The following PLAAT3 variants were observed in gnomAD, a reference collection of about 807,000 sequenced individuals.
PLAAT3 encodes Ca-independent phospholipase A1/2.
A neutral mutation model predicts 16.7 loss-of-function variants in PLAAT3; 21 were observed. That is an observed-to-expected ratio of 1.26 (90% CI 0.89 to 1.81). The LOEUF (loss-of-function observed/expected upper bound fraction) is 1.81, where lower values mean the gene tolerates loss of function less well. Ranked by LOEUF, PLAAT3 falls within the 40% of genes most tolerant of loss-of-function variation. PLAAT3 has a pLI of 0.00. For missense variants in PLAAT3, 219 were observed against 213.7 expected, an observed-to-expected ratio of 1.02 and a Z score of -0.16; for synonymous variants, 76 against 81.7, an observed-to-expected ratio of 0.93 and a Z score of 0.38.
At chr11:63,615,090 G>A (rs1294832612), upstream of PLAAT3, among the ~76,000 whole-genome samples, 2 of 84,052 alleles carry the variant, frequency 2.4e-5, no homozygotes, top group African/African-American at 3.5e-5. Flanking sequence ...GTATATATGT[G>A]TATATATGTG....
intron 3 of PLAAT3, among the ~76,000 whole-genome samples, chr11:63,597,578 A>G (rs951598058): frequency 9.2e-5 from 14 of 152,208 alleles, no homozygotes; most frequent in Admixed American, 5.2e-4. Flanking sequence ...AGTCTCGGGT[A>G]GTTCTTTATA....
intron 4 of PLAAT3, among the ~76,000 whole-genome samples, chr11:63,586,718 T>A (rs1462601944): frequency 1.3e-5 from 2 of 151,766 alleles, no homozygotes; most frequent in Non-Finnish European, 2.9e-5. Context: ...ATATTGTCAC[T>A]GCTAATTCAA....
intron 4 of PLAAT3, among the ~76,000 whole-genome samples, chr11:63,581,089 G>A (rs559920708): frequency 3.3e-5 from 5 of 152,106 alleles, no homozygotes; most frequent in South Asian, 2.1e-4. Flanking sequence ...CGTTATCTTC[G>A]TAAGCTGAGA....
chr11:63,580,443 C>T (rs2134393491), intron 4 of PLAAT3, among the ~76,000 whole-genome samples: 1 of 152,270 alleles, frequency 6.6e-6, no homozygotes, highest in Admixed American at 6.5e-5. Context: ...ATCACGAGGT[C>T]AGGAGTTCGA....
chr11:63,600,588 T>TTTTTG, intron 2 of PLAAT3, among the ~76,000 whole-genome samples: 1 of 60,240 alleles, frequency 1.7e-5, no homozygotes. Flanking sequence ...TTTTTGTTTT[T>TTTTTG]TTTGTTTTGT....
intron 4 of PLAAT3, among the ~76,000 whole-genome samples, chr11:63,579,047 TC>T (rs1024543051): frequency 1.4e-4 from 22 of 151,888 alleles, no homozygotes; most frequent in African/African-American, 5.3e-4. Context: ...AACAACCCCA[TC>T]AAAAAGTGGG....
intron 2 of PLAAT3, among the ~76,000 whole-genome samples, chr11:63,600,091 C>T (rs1488041012): frequency 1.3e-5 from 2 of 152,138 alleles, no homozygotes; most frequent in African/African-American, 2.4e-5. Context: ...AGGTCATCTT[C>T]CCACCTCAGC....
chr11:63,592,501 G>A (rs1035707951), intron 3 of PLAAT3, among the ~76,000 whole-genome samples: 6 of 152,134 alleles, frequency 3.9e-5, no homozygotes, highest in African/African-American at 1.4e-4. Flanking sequence ...TAAAAAGTGA[G>A]TCTACTGAAG....
chr11:63,584,666 C>T (rs1251311595), intron 4 of PLAAT3, among the ~76,000 whole-genome samples: 1 of 151,800 alleles, frequency 6.6e-6, no homozygotes, highest in Non-Finnish European at 1.5e-5. Context: ...GGCCACCACG[C>T]CCAGCTAATT....
chr11:63,585,170 G>T (rs1937938598), intron 4 of PLAAT3, among the ~76,000 whole-genome samples: 1 of 151,754 alleles, frequency 6.6e-6, no homozygotes, highest in Admixed American at 6.6e-5. Context: ...GACTACCGGT[G>T]CACACCACCA....
At chr11:63,612,406 T>A (rs1233466021) in intron 2 of PLAAT3, among the ~76,000 whole-genome samples, 1 of 152,246 alleles carries the variant, frequency 6.6e-6, no homozygotes, top group Admixed American at 6.5e-5. Context: ...GTCTGGAATT[T>A]ATTATGAAAT....
chr11:63,575,042 C>T lies in PLAAT3; in HGVS notation c.392G>A (p.Arg131Lys). Residue 131 changes from arginine (R) to lysine (K), a missense_variant, in exon 5 of 5, where the codon AGA becomes AAA. Physicochemically the swap from Arg to Lys is conservative, Grantham distance 26. Coordinates refer to ENST00000415826, the MANE Select transcript of PLAAT3 (RefSeq NM_001128203.2). ...AACGCTTGCAGCGATGATGACATCT[C>T]TGACCTGCAACAAAGAAGAGGGTGG... ...RYGVARSDQV[R>K]DVIIAASVAG... The T allele has an allele frequency of 6.2e-7, 1 of 1,607,908 alleles. No individual in the cohort carries two copies. The highest frequency in any genetic ancestry group is 2.2e-5 in the East Asian group (1 of 44,852).
intron 2 of PLAAT3, among the ~76,000 whole-genome samples, chr11:63,605,291 G>A (rs1256428504): frequency 2.0e-5 from 3 of 151,836 alleles, no homozygotes; most frequent in South Asian, 2.1e-4. Flanking sequence ...TCAGCTACTC[G>A]GGAGGCTGAG....
chr11:63,611,987 A>G lies in PLAAT3; in HGVS notation c.15+2013T>C, dbSNP rs189901604. On this transcript the variant is annotated intron_variant, in intron 2 of 4. Coordinates refer to ENST00000415826, the MANE Select transcript of PLAAT3 (RefSeq NM_001128203.2). ...AACCCTGTCTCTACTAAAAATACAA[A>G]ATTAGCCAGGCGCGGTGGCGCATGC... Among the ~76,000 whole-genome samples the G allele has an allele frequency of 9.2e-3, 1,395 of 151,846 alleles. 25 individuals carry two copies. The highest frequency in any genetic ancestry group is 0.032 in the African/African-American group (1,326 of 41,380).
chr11:63,595,591 T>C (rs1339585939), intron 3 of PLAAT3, among the ~76,000 whole-genome samples: 1 of 152,132 alleles, frequency 6.6e-6, no homozygotes, highest in African/African-American at 2.4e-5. Context: ...GATGGTTGCC[T>C]GGGCGAGGCG....
chr11:63,615,519 T>G (rs1380713912), upstream of PLAAT3, among the ~76,000 whole-genome samples: 1 of 151,898 alleles, frequency 6.6e-6, no homozygotes, highest in Non-Finnish European at 1.5e-5. Flanking sequence ...TTCTGTGTCT[T>G]AAAAGCAGAT....
chr11:63,598,225 C>T, intron 2 of PLAAT3, 62 bp from the exon 3 acceptor site: 1 of 1,163,420 alleles, frequency 8.6e-7, no homozygotes, highest in East Asian at 2.3e-5. Context: ...GGACAGGGCT[C>T]AGTGAGGAAG....
intron 2 of PLAAT3, among the ~76,000 whole-genome samples, chr11:63,612,486 T>C (rs1565258401): frequency 6.6e-6 from 1 of 152,262 alleles, no homozygotes; most frequent in Non-Finnish European, 1.5e-5. Flanking sequence ...TCTAGTTTTA[T>C]ATGAAAGCAG....
At chr11:63,608,488 T>G (rs2134432077) in intron 2 of PLAAT3, 1 of 152,512 alleles carries the variant, frequency 6.6e-6, no homozygotes, top group South Asian at 2.1e-4. Context: ...GATGCACCCA[T>G]GCAACTCTGA....
Sources: allele counts gnomAD v4.1 joint callset (sites outside exome capture counted in the v4.1 genomes callset), GRCh38; gene constraint gnomAD v4.1.1; transcripts MANE v1.5; gene names NCBI Gene and HGNC (gene_info 2026-07-23, HGNC 2026-07-21).